MRRF: variants seen among roughly 807,000 people sequenced by gnomAD.
MRRF encodes ribosome-recycling factor, mitochondrial.
MRRF carries 18 observed loss-of-function variants against 25.1 expected under a neutral mutation model. That is an observed-to-expected ratio of 0.72 (90% CI 0.50 to 1.06). MRRF has a LOEUF of 1.06. Ranked by LOEUF, MRRF falls within the 50% of genes least tolerant of loss-of-function variation. MRRF has a pLI of 0.00. For synonymous variants in MRRF, 113 were observed against 112.1 expected (o/e 1.01, Z -0.05); for missense variants, 323 against 319.3 (o/e 1.01, Z -0.09).
intron 6 of MRRF, among the ~76,000 whole-genome samples, chr9:122,321,618 G>A (rs2119019183): frequency 6.6e-6 from 1 of 152,208 alleles, no homozygotes; most frequent in South Asian, 2.1e-4. Context: ...TGCTGGCATT[G>A]AATATTGTAA....
intron 6 of MRRF, among the ~76,000 whole-genome samples, chr9:122,315,842 G>A (rs1378045016): frequency 6.6e-6 from 1 of 152,094 alleles, no homozygotes; most frequent in Non-Finnish European, 1.5e-5. Context: ...CACAACTCCT[G>A]AAAGAGGAAG....
chr9:122,323,170 A>G lies in MRRF; in HGVS notation c.*553A>G, dbSNP rs1480784384. ...GTAGTTTTGCCTGTGAGTCGTCTTC[A>G]CACATGCTGTTTTCTCTGCCTGGCT... On this transcript the variant is annotated 3_prime_UTR_variant, in exon 7 of 7. Transcript: ENST00000344641. The G allele has an allele frequency of 6.2e-6, 1 of 161,520 alleles. No individual in the cohort carries two copies. The highest frequency in any genetic ancestry group is 1.7e-4 in the East Asian group (1 of 5,814). 10.0% of individuals were successfully genotyped at this position (161,520 alleles called of 1,614,324 possible). A position where few individuals can be genotyped will look rare whatever the true frequency, so the allele number is the denominator to read the frequency against.
chr9:122,330,562 A>T lies in MRRF; in HGVS notation c.*7945A>T, dbSNP rs1407809402. On this transcript the variant is annotated 3_prime_UTR_variant, in exon 7 of 7. Coordinates refer to ENST00000344641, the MANE Select transcript of MRRF (RefSeq NM_138777.5). The surrounding 1 kb of genome is among the most constrained non-coding windows in gnomAD (Gnocchi z 4.2). ...GTTTTACTAGATTTTAGGCAACTCA[A>T]GGAGCTAGCTGTTATTTTGTTCATT... 2 of 152,250 alleles carry T rather than the reference A, an allele frequency of 1.3e-5. No homozygotes were observed. The highest frequency in any genetic ancestry group is 4.8e-5 in the African/African-American group (2 of 41,454). 9.4% of individuals were successfully genotyped at this position (152,250 alleles called of 1,614,324 possible).
At chr9:122,265,864 C>CCGTGCCAG in intron 1 of MRRF, 1 of 748,784 alleles carries the variant, frequency 1.3e-6, no homozygotes, top group Non-Finnish European at 2.0e-6. Flanking sequence ...CCTTCTTTGG[C>CCGTGCCAG]CGTGCCAGGT....
At chr9:122,280,302 CT>C (rs1564478338) in intron 2 of MRRF, 140 bp from the exon 3 acceptor site, 1 of 914,596 alleles carries the variant, frequency 1.1e-6, no homozygotes, top group Non-Finnish European at 1.7e-6. Context: ...AATATAGGCT[CT>C]TTTTTAGTGG....
intron 4 of MRRF, among the ~76,000 whole-genome samples, chr9:122,286,505 GA>G (rs1833416895): frequency 6.6e-6 from 1 of 152,150 alleles, no homozygotes; most frequent in African/African-American, 2.4e-5. Context: ...AGGAGTTCAA[GA>G]CCAGCCAGGG....
intron 6 of MRRF, among the ~76,000 whole-genome samples, chr9:122,314,906 C>A (rs1373293289): frequency 2.0e-5 from 3 of 152,134 alleles, no homozygotes; most frequent in Non-Finnish European, 4.4e-5. Context: ...CACAATAAAG[C>A]ATTGTTTTAG....
chr9:122,294,603 G>T (rs949248703), intron 5 of MRRF, among the ~76,000 whole-genome samples: 1 of 152,128 alleles, frequency 6.6e-6, no homozygotes, highest in African/African-American at 2.4e-5. Context: ...GATAAAAAAT[G>T]AATGATCTGT....
chr9:122,298,258 C>T (rs1242719402), intron 5 of MRRF, among the ~76,000 whole-genome samples: 1 of 152,112 alleles, frequency 6.6e-6, no homozygotes, highest in Middle Eastern at 3.2e-3. Flanking sequence ...TATATAATAA[C>T]CCAAACTATG....
chr9:122,308,699 CAAAAAAAAAA>C (rs776774424), intron 5 of MRRF, among the ~76,000 whole-genome samples: 1 of 60,106 alleles, frequency 1.7e-5, no homozygotes, highest in South Asian at 5.2e-4. Flanking sequence ...ACTCCATCTC[CAAAAAAAAAA>C]AAAAAAAAAA....
intron 6 of MRRF, among the ~76,000 whole-genome samples, chr9:122,319,730 G>T (rs1835763524): frequency 6.6e-6 from 1 of 152,164 alleles, no homozygotes; most frequent in Non-Finnish European, 1.5e-5. Context: ...AACTCGGTAA[G>T]TGGAAGCTGT....
intron 3 of MRRF, among the ~76,000 whole-genome samples, chr9:122,284,709 G>A (rs1437050357): frequency 6.6e-6 from 1 of 152,146 alleles, no homozygotes; most frequent in Non-Finnish European, 1.5e-5. Context: ...TTTCTATCAC[G>A]ATACTGCTGT....
Position 122,324,253 on chromosome 9 carries a change from G to T in MRRF, c.*1636G>T, listed in dbSNP as rs1836043262. 6.6e-6 allele frequency: 1 copy of T among 152,174 alleles called. No homozygotes were observed. Among genetic ancestry groups the T allele is most frequent in the Non-Finnish European group, 1.5e-5 (1 of 68,024 alleles). 9.4% of individuals were successfully genotyped at this position (152,174 alleles called of 1,614,324 possible). A position where few individuals can be genotyped will look rare whatever the true frequency, so the allele number is the denominator to read the frequency against. On this transcript the variant is annotated 3_prime_UTR_variant, in exon 7 of 7. Coordinates refer to ENST00000344641, the MANE Select transcript of MRRF (RefSeq NM_138777.5). ...AGAGTCCTTGATTTCCTTTGGTTCA[G>T]TTAATTTCCTAGGACAGCTCACACA...
intron 6 of MRRF, among the ~76,000 whole-genome samples, chr9:122,316,267 C>G (rs972049379): frequency 3.3e-5 from 5 of 152,216 alleles, no homozygotes; most frequent in African/African-American, 1.2e-4. Flanking sequence ...CCTCTACCTC[C>G]TGGGTTCAAG....
At chr9:122,290,031 G>GTGA (rs1490436700) in intron 4 of MRRF, among the ~76,000 whole-genome samples, 1 of 150,124 alleles carries the variant, frequency 6.7e-6, no homozygotes, top group African/African-American at 2.5e-5. Flanking sequence ...TCAAGCCTGA[G>GTGA]TGACAGAGTG....
In MRRF at chr9:122,273,634, T is replaced by G. The variant is rs185605739; in HGVS notation, c.184+2559T>G. On this transcript the variant is annotated intron_variant, in intron 2 of 6. Coordinates refer to ENST00000344641, the MANE Select transcript of MRRF (RefSeq NM_138777.5). ...AATTTTCACAAAGTGAACACAATCA[T>G]GTACTTATTACCCAAATCAATAAAT... 5.4e-4 allele frequency among the ~76,000 whole-genome samples: 82 copies of G among 152,306 alleles called. 1 individual carries two copies. Among genetic ancestry groups the G allele is most frequent in the African/African-American group, 1.9e-3 (81 of 41,570 alleles).
chr9:122,319,176 A>C (rs555144410), intron 6 of MRRF, among the ~76,000 whole-genome samples: 1 of 135,170 alleles, frequency 7.4e-6, no homozygotes, highest in South Asian at 2.4e-4. Flanking sequence ...TTTGAGACAG[A>C]GCCTGGCTCT....
chr9:122,285,066 G>C (rs1379023752), intron 3 of MRRF, 103 bp from the exon 4 acceptor site: 2 of 763,374 alleles, frequency 2.6e-6, no homozygotes, highest in Admixed American at 4.0e-5. Context: ...TGGGATAACA[G>C]GCATGAGCCA....
intron 6 of MRRF, among the ~76,000 whole-genome samples, chr9:122,322,018 G>A (rs1835919493): frequency 6.6e-6 from 1 of 151,970 alleles, no homozygotes; most frequent in Non-Finnish European, 1.5e-5. Flanking sequence ...TGCAAAATGG[G>A]GATAATAATA....
Sources: gnomAD v4.1 joint callset for allele counts (sites outside exome capture counted in the v4.1 genomes callset) on GRCh38, gnomAD v4.1.1 for gene constraint, Gnocchi (gnomAD v3.1) non-coding constraint, MANE v1.5 for transcripts, NCBI Gene and HGNC (gene_info 2026-07-23, HGNC 2026-07-21) for gene names.